Variants in FANCC observed in about 807,000 individuals in gnomAD.
The protein encoded by FANCC is FA complementation group C.
In FANCC, 55 loss-of-function variants were observed where a neutral mutation model predicts 71.3. The ratio of observed to expected loss-of-function variants is 0.77; its 90% CI spans 0.62 to 0.97. The LOEUF is 0.97. Among genes scored for constraint, FANCC ranks in the 50% least tolerant of loss-of-function variants. The pLI is 0.00. For missense variants in FANCC, 678 were observed against 670.9 expected (o/e 1.01, Z -0.12); for synonymous variants, 275 against 244.9 (o/e 1.12, Z -1.15).
rs71366285 is a variant in FANCC, at chr9:95,284,877, TACACACAC to T, written c.-79+32641_-79+32648del. The stretch of plus-strand genomic sequence containing the variant: ...CCTCTCTCTCACACACACACACACA[TACACACAC>T]ACACACACACACACACACAAACATA... On this transcript the variant is annotated intron_variant, in intron 1 of 14. Transcript: ENST00000289081. Among the ~76,000 whole-genome samples the T allele has an allele frequency of 4.8e-3, 709 of 147,680 alleles. 9 individuals carry two copies. Among genetic ancestry groups the T allele is most frequent in the South Asian group, 0.045 (206 of 4,620 alleles).
chr9:95,303,526 G>A (rs749283279), intron 1 of FANCC, among the ~76,000 whole-genome samples: 1 of 152,200 alleles, frequency 6.6e-6, no homozygotes, highest in Admixed American at 6.5e-5. Flanking sequence ...TTAAATAACA[G>A]AAATGTATTT....
intron 4 of FANCC, among the ~76,000 whole-genome samples, chr9:95,208,087 T>C (rs1298969360): frequency 8.2e-6 from 1 of 121,898 alleles, no homozygotes; most frequent in Admixed American, 8.3e-5. Flanking sequence ...CTTTTTTTTT[T>C]TTTTTTTTTT....
chr9:95,250,216 G>C (rs1317173396), intron 1 of FANCC, among the ~76,000 whole-genome samples: 1 of 152,166 alleles, frequency 6.6e-6, no homozygotes, highest in South Asian at 2.1e-4. Flanking sequence ...TCGCAGAGGA[G>C]GGAAGGCTGC....
chr9:95,244,503 C>A (rs1167630421), intron 3 of FANCC, among the ~76,000 whole-genome samples: 2 of 151,854 alleles, frequency 1.3e-5, no homozygotes, highest in Admixed American at 1.3e-4. Flanking sequence ...CACGGTGAAA[C>A]CCCATCTCTA....
chr9:95,235,637 G>C (rs1166619777), intron 4 of FANCC, among the ~76,000 whole-genome samples: 1 of 152,058 alleles, frequency 6.6e-6, no homozygotes, highest in Non-Finnish European at 1.5e-5. Context: ...GTGAGGTCGG[G>C]AGTTTGAGAC....
chr9:95,184,516 CG>C (rs2135698410), intron 4 of FANCC, among the ~76,000 whole-genome samples: 1 of 152,148 alleles, frequency 6.6e-6, no homozygotes, highest in Admixed American at 6.5e-5. Flanking sequence ...AAAGAAGATT[CG>C]TGTTACAAAA....
At chr9:95,274,314 C>A (rs922184424) in intron 1 of FANCC, among the ~76,000 whole-genome samples, 1 of 152,088 alleles carries the variant, frequency 6.6e-6, no homozygotes, top group East Asian at 1.9e-4. Context: ...TGAGAATGAT[C>A]GTTTCCAGCT....
intron 1 of FANCC, chr9:95,292,595 C>T (rs1446988784): frequency 9.6e-6 from 14 of 1,461,280 alleles, no homozygotes; most frequent in Admixed American, 8.4e-5. Context: ...TCCTGTGCAC[C>T]GTGCGCGGCT....
intron 7 of FANCC, among the ~76,000 whole-genome samples, chr9:95,148,710 C>T (rs1244259884): frequency 2.0e-5 from 3 of 152,132 alleles, no homozygotes; most frequent in Admixed American, 2.0e-4. Flanking sequence ...CATAATGCTA[C>T]AAAATTATGT....
At chr9:95,136,760 AG>A (rs1323386282) in intron 7 of FANCC, among the ~76,000 whole-genome samples, 8 of 152,322 alleles carry the variant, frequency 5.3e-5, no homozygotes, top group Non-Finnish European at 1.2e-4. Context: ...TTGGGAATAC[AG>A]GCCTGAGCCC....
intron 7 of FANCC, among the ~76,000 whole-genome samples, chr9:95,137,733 C>T (rs1827916823): frequency 1.3e-5 from 2 of 152,182 alleles, no homozygotes; most frequent in Admixed American, 6.5e-5. Flanking sequence ...GGTGTCAGAA[C>T]CCCAAGGGAG....
chr9:95,113,790 T>C (rs1246983529), intron 12 of FANCC: 1 of 151,226 alleles, frequency 6.6e-6, no homozygotes, highest in African/African-American at 2.4e-5. Context: ...GCCCGGCTAA[T>C]TTTTTGTATT....
chr9:95,125,107 A>C lies in FANCC; in HGVS notation c.975T>G (p.Ala325=), dbSNP rs747463354. ...IQVFTQCFVE[A]LEKASKQLRF... is the part of the protein sequence containing the mutation. ...AAACCTGCTTGCTTGCTTTCTCCAG[A>C]GCTTCTACAAAGCACTGCGTAAACA... The change falls in exon 10 of 15, where the codon GCT becomes GCG. Residue 325 remains alanine, a synonymous_variant. Transcript: ENST00000289081. 29 of 1,613,984 alleles carry C rather than the reference A, an allele frequency of 1.8e-5. No homozygotes were observed. The highest frequency in any genetic ancestry group is 4.0e-5 in the African/African-American group (3 of 74,916).
At chr9:95,311,221 G>T (rs1328206108) in intron 1 of FANCC, among the ~76,000 whole-genome samples, 1 of 125,016 alleles carries the variant, frequency 8.0e-6, no homozygotes, top group African/African-American at 3.1e-5. Flanking sequence ...GAGACAGAGT[G>T]AGATTCCGTC....
intron 8 of FANCC, among the ~76,000 whole-genome samples, chr9:95,130,019 C>G (rs932019568): frequency 1.3e-5 from 2 of 152,088 alleles, no homozygotes; most frequent in African/African-American, 2.4e-5. Context: ...AAGACAAAGT[C>G]AACATGGAAT....
chr9:95,220,706 C>T (rs1414273105), intron 4 of FANCC, among the ~76,000 whole-genome samples: 2 of 151,656 alleles, frequency 1.3e-5, no homozygotes, highest in Non-Finnish European at 2.9e-5. Context: ...CATCACACAC[C>T]GGGGCCTGTC....
At chr9:95,148,660 T>C (rs867929273) in intron 7 of FANCC, among the ~76,000 whole-genome samples, 6 of 152,230 alleles carry the variant, frequency 3.9e-5, no homozygotes, top group Admixed American at 1.3e-4. Context: ...TTGGAAGATA[T>C]ACATAACTCA....
chr9:95,222,948 T>C (rs942754169), intron 4 of FANCC, among the ~76,000 whole-genome samples: 2 of 152,246 alleles, frequency 1.3e-5, no homozygotes, highest in African/African-American at 2.4e-5. Context: ...AGTTATGCTA[T>C]AATTTGTTAT....
rs1831179586 is a variant in FANCC, at chr9:95,249,247, C to T, written c.45G>A (p.Trp15Ter). 1 of 1,614,032 alleles carries T rather than the reference C, an allele frequency of 6.2e-7. No homozygotes were observed. The highest frequency in any genetic ancestry group is 1.3e-5 in the African/African-American group (1 of 74,930). Reference sequence around the variant, plus strand: ...GATCCCATACAGAAAGCTTCTGCATCCAAAACTGATAATCACAAGAAAGAT... The same window carrying T: ...GATCCCATACAGAAAGCTTCTGCATTCAAAACTGATAATCACAAGAAAGAT... ...SVDLSCDYQFWMQKLSVWDQA... is the reference protein window; with the variant it reads ...SVDLSCDYQF Residue 15 changes from tryptophan (W) to a stop codon, truncating the protein, a stop_gained, in exon 2 of 15, where the codon TGG (tryptophan) becomes TGA (stop). Coordinates refer to ENST00000289081, the MANE Select transcript of FANCC (RefSeq NM_000136.3). LOFTEE classifies it high-confidence loss of function.
Sources: gnomAD v4.1 joint callset for allele counts (sites outside exome capture counted in the v4.1 genomes callset) on GRCh38, gnomAD v4.1.1 for gene constraint, MANE v1.5 for transcripts, NCBI Gene and HGNC (gene_info 2026-07-23, HGNC 2026-07-21) for gene names.